Variants in APC2 observed in about 807,000 individuals in gnomAD.
The protein encoded by APC2 is adenomatous polyposis coli protein 2.
APC2 carries 41 observed loss-of-function variants against 72.5 expected under a neutral mutation model. The ratio of observed to expected loss-of-function variants is 0.57; its 90% CI spans 0.44 to 0.73. APC2 has a LOEUF of 0.73. APC2 is among the 30% of genes least tolerant of loss of function. The pLI, the probability that APC2 is intolerant of heterozygous loss-of-function variation, is 0.00. For missense variants in APC2, 3,729 were observed against 3,403.4 expected, an observed-to-expected ratio of 1.10 and a Z score of -2.38; for synonymous variants, 1,898 against 1,612.0, an observed-to-expected ratio of 1.18 and a Z score of -4.25.
At position 1,469,579 on chromosome 19, in the gene APC2, C is replaced by A; in HGVS notation, c.6278C>A (p.Pro2093Gln). Residue 2093 changes from proline to glutamine, a missense_variant, in exon 15 of 15, where the codon CCG (proline) becomes CAG (glutamine). Physicochemically the swap from Pro to Gln is moderately conservative, Grantham distance 76. Coordinates refer to ENST00000590469, the MANE Select transcript of APC2 (RefSeq NM_005883.3). ...RLPVRAPAAR[P>Q]ETVKRYASLP... is the part of the protein sequence containing the mutation. ...CCTGTGCGCGCGCCCGCCGCCCGGC[C>A]GGAGACTGTCAAGCGCTACGCGTCG... 1 of 1,256,948 alleles carries A rather than the reference C, an allele frequency of 8.0e-7. No individual in the cohort carries two copies. The highest frequency in any genetic ancestry group is 1.0e-6 in the Non-Finnish European group (1 of 987,908). 77.9% of individuals were successfully genotyped at this position (1,256,948 alleles called of 1,614,324 possible). A position where few individuals can be genotyped will look rare whatever the true frequency, so the allele number is the denominator to read the frequency against.
chr19:1,457,014 C>T lies in APC2; in HGVS notation c.978C>T (p.Ala326=), dbSNP rs750529335. The T allele has an allele frequency of 7.2e-6, 11 of 1,529,062 alleles. No homozygotes were observed. The highest frequency in any genetic ancestry group is 1.8e-4 in the Middle Eastern group (1 of 5,518). The allele number at this position is 1,529,062 out of a possible 1,614,324, so 94.7% of individuals were successfully genotyped here. A position where few individuals can be genotyped will look rare whatever the true frequency, so the allele number is the denominator to read the frequency against. Reference sequence around the variant, plus strand: ...TGCAAATCCTCCACGGCACCGAGGCCGCGGCCGGGGGTCGCGCCGGGGCCC... The same window carrying T: ...TGCAAATCCTCCACGGCACCGAGGCTGCGGCCGGGGGTCGCGCCGGGGCCC... The part of the protein sequence containing the change: ...LLLQILHGTE[A]AAGGRAGAPG... The change falls in exon 9 of 15, where the codon GCC becomes GCT. Residue 326 remains alanine, a synonymous_variant. Transcript: ENST00000590469.
chr19:1,462,187 C>T lies in APC2; in HGVS notation c.1853+10C>T. The T allele has an allele frequency of 6.5e-7, 1 of 1,528,180 alleles. No individual in the cohort carries two copies. Among genetic ancestry groups the T allele is most frequent in the Non-Finnish European group, 8.8e-7 (1 of 1,135,964 alleles). The allele number at this position is 1,528,180 out of a possible 1,614,324, so 94.7% of individuals were successfully genotyped here. A position where few individuals can be genotyped will look rare whatever the true frequency, so the allele number is the denominator to read the frequency against. On this transcript the variant is annotated intron_variant, in intron 14 of 14. Coordinates refer to ENST00000590469, the MANE Select transcript of APC2 (RefSeq NM_005883.3). The stretch of plus-strand genomic sequence containing the variant: ...CCCGTGAGGACTACAGGTCGGCCCC[C>T]ACCCCCCCACCCGCACACAGGCAGC...
chr19:1,465,034 T>C, intron 14 of APC2, 121 bp from the exon 15 acceptor site: 1 of 1,096,690 alleles, frequency 9.1e-7, no homozygotes, highest in Non-Finnish European at 1.3e-6. Flanking sequence ...AAAATTAGTC[T>C]TTCCAAGATC....
intron 5 of APC2, 44 bp from the exon 6 acceptor site, chr19:1,455,340 G>A (rs767057669): frequency 1.0e-5 from 16 of 1,596,598 alleles, no homozygotes; most frequent in African/African-American, 1.3e-5. Context: ...ACGGGGCCTG[G>A]CCCGGGCGCC....
Position 1,465,247 on chromosome 19 carries a change from TC to T in APC2, c.1947del (p.Trp650GlyfsTer33). On this transcript the variant is annotated frameshift_variant, in exon 15 of 15. Coordinates refer to ENST00000590469, the MANE Select transcript of APC2 (RefSeq NM_005883.3). LOFTEE classifies it low-confidence loss of function (END_TRUNC). The part of the protein sequence containing the change: ...LTIVSNACGT[L>X]WNLSARSARD... Reference sequence around the variant, plus strand: ...ATCGTGAGCAACGCGTGCGGCACGCTCTGGAACCTGTCGGCCCGCAGCGCCC... The same window carrying T: ...ATCGTGAGCAACGCGTGCGGCACGCTTGGAACCTGTCGGCCCGCAGCGCCC... 6.2e-7 allele frequency: 1 copy of T among 1,609,956 alleles called. No homozygotes were observed.
rs2083990940 is a variant in APC2 at position 1,465,390 on chromosome 19, C to T, written c.2089C>T (p.His697Tyr). 1 of 1,569,096 alleles carries T rather than the reference C, an allele frequency of 6.4e-7. No individual in the cohort carries two copies. Among genetic ancestry groups the T allele is most frequent in the Non-Finnish European group, 8.6e-7 (1 of 1,165,422 alleles). Reference protein sequence around the residue: ...SAAALRNLLAHRPAKHQAAAT... With the variant: ...SAAALRNLLAYRPAKHQAAAT... Reference sequence around the variant, plus strand: ...CGCCGCCCTGCGCAACCTGCTGGCCCATCGGCCCGCCAAGCACCAGGCGGC... The same window carrying T: ...CGCCGCCCTGCGCAACCTGCTGGCCTATCGGCCCGCCAAGCACCAGGCGGC... The change falls in exon 15 of 15, where the codon CAT (histidine) becomes TAT (tyrosine). Residue 697 changes from histidine (H) to tyrosine (Y), a missense_variant. Physicochemically the swap from His to Tyr is moderately conservative, Grantham distance 83 (BLOSUM62 2). Transcript: ENST00000590469.
At chr19:1,446,683 G>C (rs941971550), upstream of APC2, among the ~76,000 whole-genome samples, 8 of 152,120 alleles carry the variant, frequency 5.3e-5, no homozygotes, top group Non-Finnish European at 1.0e-4. The surrounding 1 kb of genome is among the most constrained non-coding windows in gnomAD (Gnocchi z 6.1). Flanking sequence ...CTGGGGCGGC[G>C]GGGGCGGCTG....
intron 5 of APC2, 56 bp from the exon 6 acceptor site, chr19:1,455,328 G>T (rs2145189931): frequency 6.3e-7 from 1 of 1,590,728 alleles, no homozygotes; most frequent in Non-Finnish European, 8.6e-7. Context: ...CGTGGGGGAG[G>T]AACGGGGCCT....
rs1196228618 is a variant in APC2, at chr19:1,465,474, G to A, written c.2173G>A (p.Ala725Thr). 1.3e-6 allele frequency: 2 copies of A among 1,529,464 alleles called. No homozygotes were observed. The highest frequency in any genetic ancestry group is 1.2e-5 in the South Asian group (1 of 83,574). 94.7% of individuals were successfully genotyped at this position (1,529,464 alleles called of 1,614,324 possible). ...CAGCCTGTACGTGCGCAAGCAGCGGGCGCTGGAGGCCGAGCTGGACGCACG... is the reference window on the plus strand; with the variant it reads ...CAGCCTGTACGTGCGCAAGCAGCGGACGCTGGAGGCCGAGCTGGACGCACG... ...VPSLYVRKQRALEAELDARHL... is the reference protein window; with the variant it reads ...VPSLYVRKQRTLEAELDARHL... The change falls in exon 15 of 15, where the codon GCG becomes ACG. Residue 725 changes from alanine to threonine, a missense_variant. Ala to Thr is a moderately conservative substitution (Grantham distance 58). Transcript: ENST00000590469.
rs552602290 is a variant in APC2, at chr19:1,467,757, C to G, written c.4456C>G (p.Arg1486Gly). 275 of 1,431,600 alleles carry G rather than the reference C, an allele frequency of 1.9e-4. No individual in the cohort carries two copies. The highest frequency in any genetic ancestry group is 2.3e-4 in the Middle Eastern group (1 of 4,412). 88.7% of individuals were successfully genotyped at this position (1,431,600 alleles called of 1,614,324 possible). ...AGACAAGGACGGCTCAAAGCCCGGC[C>G]GGACCCGCGGGGACGGGGCGCTCCA... ...PADKDGSKPG[R>G]TRGDGALQSL... Residue 1486 changes from arginine to glycine, a missense_variant, in exon 15 of 15, where the codon CGG becomes GGG. Physicochemically the swap from Arg to Gly is moderately radical, Grantham distance 125 (BLOSUM62 -2). Transcript: ENST00000590469.
chr19:1,447,689 G>A (rs2083699813), upstream of APC2, among the ~76,000 whole-genome samples: 1 of 152,150 alleles, frequency 6.6e-6, no homozygotes, highest in Admixed American at 6.5e-5. Context: ...GGGACATAAT[G>A]TTTTGTAGAT....
In APC2 at chr19:1,458,122, G is replaced by T. The variant is rs544005584; in HGVS notation, c.1303+62G>T. 1.1e-5 allele frequency: 16 copies of T among 1,427,694 alleles called. No individual in the cohort carries two copies. The South Asian group carries it at 1.7e-4, about 15-fold the overall frequency. The allele number at this position is 1,427,694 out of a possible 1,614,324, so 88.4% of individuals were successfully genotyped here. On this transcript the variant is annotated intron_variant, in intron 10 of 14. Coordinates refer to ENST00000590469, the MANE Select transcript of APC2 (RefSeq NM_005883.3). ...GCCCCCGAACAGGTGGTGGCTCCTC[G>T]GCCGCTAAAGGGACACAGGCTGGGT...
At chr19:1,460,053 G>A (rs2083898477) in intron 10 of APC2, 128 bp from the exon 11 acceptor site, 26 of 1,299,824 alleles carry the variant, frequency 2.0e-5, no homozygotes, top group Admixed American at 4.4e-5. Context: ...TCAGACTTGG[G>A]CCTGGAAGGG....
At position 1,470,238 on chromosome 19, in the gene APC2, G is replaced by A. The variant is rs1246666900; in HGVS notation, c.*25G>A. The A allele has an allele frequency of 4.5e-6, 7 of 1,554,046 alleles. No individual in the cohort carries two copies. The highest frequency in any genetic ancestry group is 6.1e-6 in the Non-Finnish European group (7 of 1,152,994). ...GTGGCCTAGGCCGGCCTTCTGGAAC[G>A]TTCTCTCCCGGCCCTGCGGCGCGGT... On this transcript the variant is annotated 3_prime_UTR_variant, in exon 15 of 15. Coordinates refer to ENST00000590469, the MANE Select transcript of APC2 (RefSeq NM_005883.3).
rs886321587 is a variant in APC2, at chr19:1,461,977, G to A, written c.1653G>A (p.Lys551=). The change falls in exon 14 of 15, where the codon AAG becomes AAA. Residue 551 remains lysine, a synonymous_variant. Transcript: ENST00000590469. ...VLRATKESTL[K]SVLSALWNLS... is the part of the protein sequence containing the mutation. ...CCCTCGTCCAGGAGTCCACCCTGAA[G>A]AGCGTGCTGAGCGCCCTGTGGAATC... is the stretch of plus-strand genomic sequence containing the variant. 6 of 1,611,722 alleles carry A rather than the reference G, an allele frequency of 3.7e-6. No homozygotes were observed. The highest frequency in any genetic ancestry group is 1.3e-5 in the African/African-American group (1 of 74,974).
chr19:1,450,485 T>G (rs900814873), intron 1 of APC2, 147 bp downstream of exon 1: 1 of 652,600 alleles, frequency 1.5e-6, no homozygotes, highest in African/African-American at 2.0e-5. Flanking sequence ...TGAGTCCCGG[T>G]GAGCTGGGCG....
In APC2 at chr19:1,452,438, C is replaced by T. The variant is rs985553171; in HGVS notation, c.-18-546C>T. 1.9e-5 allele frequency: 3 copies of T among 162,022 alleles called. No individual in the cohort carries two copies. Among genetic ancestry groups the T allele is most frequent in the African/African-American group, 4.8e-5 (2 of 41,532 alleles). 10.0% of individuals were successfully genotyped at this position (162,022 alleles called of 1,614,324 possible). A position where few individuals can be genotyped will look rare whatever the true frequency, so the allele number is the denominator to read the frequency against. Reference sequence around the variant, plus strand: ...AGCTTAGGTGTCACCCACTGGCCTTCGTGGTGTTTTCATTGTCCATCGGCA... The same window carrying T: ...AGCTTAGGTGTCACCCACTGGCCTTTGTGGTGTTTTCATTGTCCATCGGCA... On this transcript the variant is annotated intron_variant, in intron 1 of 14. Transcript: ENST00000590469. This position sits in a 1 kb window ranked among gnomAD's most constrained non-coding sequence, Gnocchi z 5.1.
rs763714169 is a variant in APC2 at position 1,466,947 on chromosome 19, C to T, written c.3646C>T (p.Leu1216=). 3.1e-6 allele frequency: 5 copies of T among 1,601,808 alleles called. No individual in the cohort carries two copies. Among genetic ancestry groups the T allele is most frequent in the Non-Finnish European group, 4.3e-6 (5 of 1,174,628 alleles). Residue 1216 remains leucine, a synonymous_variant, in exon 15 of 15, where the codon CTG becomes TTG. Transcript: ENST00000590469. The part of the protein sequence containing the change: ...MPPSRSKTPP[L]APAPQGPPEA... ...TCCCAGCCGGAGCAAGACGCCACCGCTGGCGCCCGCGCCACAGGGTCCCCC... is the reference window on the plus strand; with the variant it reads ...TCCCAGCCGGAGCAAGACGCCACCGTTGGCGCCCGCGCCACAGGGTCCCCC...
At position 1,460,813 on chromosome 19, in the gene APC2, G is replaced by A. The variant is rs1351936429; in HGVS notation, c.1477G>A (p.Ala493Thr). ...TLCARRGCMEAIVAQLASDSE... is the reference protein window; with the variant it reads ...TLCARRGCMETIVAQLASDSE... The stretch of plus-strand genomic sequence containing the variant: ...GTGTGCGCGCCGCGGCTGCATGGAG[G>A]CCATCGTGGCCCAGCTGGCCTCCGA... The change falls in exon 12 of 15, where the codon GCC becomes ACC. Residue 493 changes from alanine (A) to threonine (T), a missense_variant. Physicochemically the swap from Ala to Thr is moderately conservative, Grantham distance 58 (BLOSUM62 0). Coordinates refer to ENST00000590469, the MANE Select transcript of APC2 (RefSeq NM_005883.3). 6.2e-7 allele frequency: 1 copy of A among 1,613,198 alleles called. No homozygotes were observed. The highest frequency in any genetic ancestry group is 1.1e-5 in the South Asian group (1 of 91,084).
Sources: allele counts gnomAD v4.1 joint callset (sites outside exome capture counted in the v4.1 genomes callset), GRCh38; gene constraint gnomAD v4.1.1; non-coding constraint Gnocchi (gnomAD v3.1); transcripts MANE v1.5; gene names NCBI Gene and HGNC (gene_info 2026-07-23, HGNC 2026-07-21).